Variants in POLR2M observed in about 807,000 individuals in gnomAD.
POLR2M encodes RNA polymerase II subunit M.
Under a neutral mutation model 34.6 loss-of-function variants are expected in POLR2M, and 30 were observed. The observed-to-expected ratio is 0.87, with a 90% CI of 0.65 to 1.18. The LOEUF is 1.18. Ranked by LOEUF, POLR2M falls within the 50% of genes most tolerant of loss-of-function variation. POLR2M has a pLI of 0.00. For missense variants in POLR2M, 432 were observed against 448.7 expected, an observed-to-expected ratio of 0.96 and a Z score of 0.34; for synonymous variants, 150 against 166.7, an observed-to-expected ratio of 0.90 and a Z score of 0.77.
chr15:57,708,882 G>A lies in POLR2M; in HGVS notation c.282G>A (p.Val94=). 2 of 1,614,002 alleles carry A rather than the reference G, an allele frequency of 1.2e-6. No homozygotes were observed. Among genetic ancestry groups the A allele is most frequent in the Admixed American group, 3.3e-5 (2 of 60,014 alleles). ...AAAAAGCAATTGCAGAAGTTGATGTGGGTACAGATAAGGCCCAGAATTCTG... is the reference window on the plus strand; with the variant it reads ...AAAAAGCAATTGCAGAAGTTGATGTAGGTACAGATAAGGCCCAGAATTCTG... ...LRQKAIAEVD[V]GTDKAQNSDP... Residue 94 remains valine, a synonymous_variant, in exon 2 of 4, where the codon GTG becomes GTA. Transcript: ENST00000299638.
intron 1 of POLR2M, chr15:57,707,632 A>G: frequency 2.3e-6 from 1 of 425,846 alleles, no homozygotes; most frequent in South Asian, 1.6e-5. Flanking sequence ...AATGCAGTTG[A>G]CAGAGATGGC....
At chr15:57,711,940 A>T in intron 2 of POLR2M, 44 bp from the exon 3 acceptor site, 2 of 1,606,994 alleles carry the variant, frequency 1.2e-6, no homozygotes, top group Non-Finnish European at 1.7e-6. Context: ...TGTGTCTACA[A>T]ATAAAATAAT....
Position 57,709,372 on chromosome 15 carries a change from G to A in POLR2M, c.758+14G>A, listed in dbSNP as rs1198028643. On this transcript the variant is annotated intron_variant, in intron 2 of 3. Coordinates refer to ENST00000299638, the MANE Select transcript of POLR2M (RefSeq NM_015532.5). ...TAAAACCAATGTGTAAGTACCCTCG[G>A]AAACAGGCCTGTAACAGGAACGTGA... The A allele has an allele frequency of 2.5e-6, 4 of 1,599,480 alleles. No individual in the cohort carries two copies. Among genetic ancestry groups the A allele is most frequent in the Non-Finnish European group, 3.4e-6 (4 of 1,172,908 alleles).
rs574665225 is a variant in POLR2M, at chr15:57,716,960, G to T, written c.*2281G>T. On this transcript the variant is annotated 3_prime_UTR_variant, in exon 4 of 4. Coordinates refer to ENST00000299638, the MANE Select transcript of POLR2M (RefSeq NM_015532.5). ...TATCTTTAAAAGGAATTTAAATTTT[G>T]TTTATATACATTAACTAAATCAGTA... 81 of 151,798 alleles carry T rather than the reference G, an allele frequency of 5.3e-4. No homozygotes were observed. The highest frequency in any genetic ancestry group is 2.0e-3 in the African/African-American group (81 of 41,220). The allele number at this position is 151,798 out of a possible 1,614,324, so 9.4% of individuals were successfully genotyped here. A position where few individuals can be genotyped will look rare whatever the true frequency, so the allele number is the denominator to read the frequency against.
rs1282524000 is a variant in POLR2M at position 57,715,988 on chromosome 15, T to G, written c.*1309T>G. ...TAGTTTTAGTTCTTAAAACGAATAG[T>G]AAATGATTTCACAGCGTAAAATTTG... On this transcript the variant is annotated 3_prime_UTR_variant, in exon 4 of 4. Transcript: ENST00000299638. 2 of 152,310 alleles carry G rather than the reference T, an allele frequency of 1.3e-5. No homozygotes were observed. The highest frequency in any genetic ancestry group is 1.3e-4 in the Admixed American group (2 of 15,294). The allele number at this position is 152,310 out of a possible 1,614,324, so 9.4% of individuals were successfully genotyped here.
In POLR2M at chr15:57,714,989, T is replaced by A. The variant is rs1253245538; in HGVS notation, c.*310T>A. 1.7e-5 allele frequency: 4 copies of A among 239,666 alleles called. No homozygotes were observed. Among genetic ancestry groups the A allele is most frequent in the Non-Finnish European group, 3.2e-5 (4 of 126,156 alleles). The allele number at this position is 239,666 out of a possible 1,614,324, so 14.8% of individuals were successfully genotyped here. ...TAAGCCAAATGAAAAGAGGTAACTT[T>A]GCTTTTTTCCTTTTTCTTACCTATC... On this transcript the variant is annotated 3_prime_UTR_variant, in exon 4 of 4. Coordinates refer to ENST00000299638, the MANE Select transcript of POLR2M (RefSeq NM_015532.5).
intron 3 of POLR2M, among the ~76,000 whole-genome samples, chr15:57,713,305 T>C (rs531033678): frequency 6.6e-6 from 1 of 152,334 alleles, no homozygotes; most frequent in South Asian, 2.1e-4. Context: ...ACCATTTTTC[T>C]TTCAGTGCAT....
chr15:57,707,642 C>A, intron 1 of POLR2M: 1 of 416,214 alleles, frequency 2.4e-6, no homozygotes, highest in Non-Finnish European at 4.9e-6. Context: ...ACAGAGATGG[C>A]TGAAGTTTCC....
At position 57,708,722 on chromosome 15, in the gene POLR2M, T is replaced by C. The variant is rs757291170; in HGVS notation, c.122T>C (p.Ile41Thr). ...QERLLRNEKFICKLPDKGKKI... is the reference protein window; with the variant it reads ...QERLLRNEKFTCKLPDKGKKI... ...TCTTTTCCATTTGACAGAAAATTCA[T>C]TTGCAAATTGCCCGACAAAGGTAAA... The change falls in exon 2 of 4, where the codon ATT becomes ACT. Residue 41 changes from isoleucine (I) to threonine (T), a missense_variant. Ile to Thr is a moderately conservative substitution (Grantham distance 89). Coordinates refer to ENST00000299638, the MANE Select transcript of POLR2M (RefSeq NM_015532.5). 6.3e-7 allele frequency: 1 copy of C among 1,577,960 alleles called. No individual in the cohort carries two copies. The highest frequency in any genetic ancestry group is 1.2e-5 in the South Asian group (1 of 83,794).
At position 57,717,212 on chromosome 15, in the gene POLR2M, C is replaced by T. The variant is rs2040981000; in HGVS notation, c.*2533C>T. On this transcript the variant is annotated 3_prime_UTR_variant, in exon 4 of 4. Transcript: ENST00000299638. ...GCCTTCTGGGTTTTTTCTACACTGT[C>T]AATAATTATCGCTTTAATTGGTGTT... 1.3e-5 allele frequency: 2 copies of T among 152,180 alleles called. No homozygotes were observed. The highest frequency in any genetic ancestry group is 2.1e-4 in the South Asian group (1 of 4,828). 9.4% of individuals were successfully genotyped at this position (152,180 alleles called of 1,614,324 possible). A position where few individuals can be genotyped will look rare whatever the true frequency, so the allele number is the denominator to read the frequency against.
Position 57,716,167 on chromosome 15 carries a change from CAAAAA to C in POLR2M, c.*1489_*1493del, listed in dbSNP as rs2040934267. 6.6e-6 allele frequency: 1 copy of C among 152,194 alleles called. No individual in the cohort carries two copies. The highest frequency in any genetic ancestry group is 1.5e-5 in the Non-Finnish European group (1 of 68,040). The allele number at this position is 152,194 out of a possible 1,614,324, so 9.4% of individuals were successfully genotyped here. A position where few individuals can be genotyped will look rare whatever the true frequency, so the allele number is the denominator to read the frequency against. On this transcript the variant is annotated 3_prime_UTR_variant, in exon 4 of 4. Transcript: ENST00000299638. ...ATGCATAGTTATGCATTTATATTCTCAAAAATGAAATCATAATGTACATTGCTTTG... is the reference window on the plus strand; with the variant it reads ...ATGCATAGTTATGCATTTATATTCTCTGAAATCATAATGTACATTGCTTTG...
intron 3 of POLR2M, 122 bp from the exon 4 acceptor site, chr15:57,714,414 A>G (rs1174004859): frequency 2.0e-6 from 3 of 1,516,080 alleles, no homozygotes; most frequent in African/African-American, 2.8e-5. Flanking sequence ...TGTATTGCCC[A>G]AGGGAGCACT....
At chr15:57,707,962 TAAAGAA>T (rs1193595089) in intron 1 of POLR2M, among the ~76,000 whole-genome samples, 9 of 152,098 alleles carry the variant, frequency 5.9e-5, no homozygotes, top group Non-Finnish European at 1.0e-4. Flanking sequence ...ATTGTATAGT[TAAAGAA>T]AAGGGAATCA....
At position 57,708,911 on chromosome 15, in the gene POLR2M, C is replaced by T. The variant is rs953393173; in HGVS notation, c.311C>T (p.Pro104Leu). ...VGTDKAQNSD[P>L]ILDTSSLVPG... The stretch of plus-strand genomic sequence containing the variant: ...ACAGATAAGGCCCAGAATTCTGACC[C>T]GATACTTGATACTTCATCACTAGTT... The change falls in exon 2 of 4, where the codon CCG becomes CTG. Residue 104 changes from proline to leucine, a missense_variant. Physicochemically the swap from Pro to Leu is moderately conservative, Grantham distance 98. Transcript: ENST00000299638. The T allele has an allele frequency of 5.6e-6, 9 of 1,613,992 alleles. No homozygotes were observed. Among genetic ancestry groups the T allele is most frequent in the Admixed American group, 1.7e-5 (1 of 60,006 alleles).
Position 57,712,201 on chromosome 15 carries a change from T to A in POLR2M, c.963+13T>A, listed in dbSNP as rs754020078. ...ACAGAATTATGAGGTATTTAGAGTATTTTTTTTCTTGTCTGTTTGTTGGGT... is the reference window on the plus strand; with the variant it reads ...ACAGAATTATGAGGTATTTAGAGTAATTTTTTTCTTGTCTGTTTGTTGGGT... On this transcript the variant is annotated intron_variant, in intron 3 of 3. Coordinates refer to ENST00000299638, the MANE Select transcript of POLR2M (RefSeq NM_015532.5). 26 of 1,610,390 alleles carry A rather than the reference T, an allele frequency of 1.6e-5. No homozygotes were observed. The African/African-American group carries it at 3.3e-4, about 21-fold the overall frequency.
rs1049880408 is a variant in POLR2M, at chr15:57,709,438, T to G, written c.758+80T>G. The G allele has an allele frequency of 4.6e-6, 7 of 1,507,182 alleles. No homozygotes were observed. In the South Asian group the frequency reaches 8.0e-5, roughly 17 times the overall value. The allele number at this position is 1,507,182 out of a possible 1,614,324, so 93.4% of individuals were successfully genotyped here. A position where few individuals can be genotyped will look rare whatever the true frequency, so the allele number is the denominator to read the frequency against. Reference sequence around the variant, plus strand: ...AAAATTTACGAGAAACTGGGTGTGGTGGTGCTTGCCTGTAGTCCCAGGCTA... The same window carrying G: ...AAAATTTACGAGAAACTGGGTGTGGGGGTGCTTGCCTGTAGTCCCAGGCTA... On this transcript the variant is annotated intron_variant, in intron 2 of 3. Transcript: ENST00000299638.
rs1248451320 is a variant in POLR2M at position 57,714,950 on chromosome 15, A to C, written c.*271A>C. On this transcript the variant is annotated 3_prime_UTR_variant, in exon 4 of 4. Coordinates refer to ENST00000299638, the MANE Select transcript of POLR2M (RefSeq NM_015532.5). ...GATATTTTAGTATATAGTAGAACATACTTTTTTTTTCTTTAAGCCAAATGA... is the reference window on the plus strand; with the variant it reads ...GATATTTTAGTATATAGTAGAACATCCTTTTTTTTTCTTTAAGCCAAATGA... 10 of 340,868 alleles carry C rather than the reference A, an allele frequency of 2.9e-5. No homozygotes were observed. Among genetic ancestry groups the C allele is most frequent in the Non-Finnish European group, 4.6e-5 (9 of 195,030 alleles). The allele number at this position is 340,868 out of a possible 1,614,324, so 21.1% of individuals were successfully genotyped here.
chr15:57,706,813 C>T lies in POLR2M; in HGVS notation c.-30C>T, dbSNP rs2040498385. 1 of 1,541,454 alleles carries T rather than the reference C, an allele frequency of 6.5e-7. No individual in the cohort carries two copies. Among genetic ancestry groups the T allele is most frequent in the African/African-American group, 1.4e-5 (1 of 72,810 alleles). ...GGGCCTGCCGAGGAAGCCGAGTGCC[C>T]GCCGCCGCGCCAGCCTCAGCCCGCG... On this transcript the variant is annotated 5_prime_UTR_variant, in exon 1 of 4. Coordinates refer to ENST00000299638, the MANE Select transcript of POLR2M (RefSeq NM_015532.5).
intron 3 of POLR2M, among the ~76,000 whole-genome samples, chr15:57,713,254 T>G (rs1446841160): frequency 3.3e-5 from 5 of 151,928 alleles, no homozygotes; most frequent in African/African-American, 1.2e-4. Context: ...ATAAAAGCCT[T>G]GGCATGGATT....
Sources: allele counts gnomAD v4.1 joint callset (sites outside exome capture counted in the v4.1 genomes callset), GRCh38; gene constraint gnomAD v4.1.1; transcripts MANE v1.5; gene names NCBI Gene and HGNC (gene_info 2026-07-23, HGNC 2026-07-21).